The following ERAP1 variants were observed in gnomAD, a reference collection of about 807,000 sequenced individuals.
ERAP1 encodes the protein endoplasmic reticulum aminopeptidase 1, also known as adipocyte-derived leucine aminopeptidase.
A neutral mutation model predicts 103.7 loss-of-function variants in ERAP1; 86 were observed. That is an observed-to-expected ratio of 0.83 (90% CI 0.70 to 0.99). The LOEUF (loss-of-function observed/expected upper bound fraction) is 0.99, where lower values mean the gene tolerates loss of function less well. Ranked by LOEUF, ERAP1 falls within the 50% of genes least tolerant of loss-of-function variation. The pLI is 0.00. For missense variants in ERAP1, 1,009 were observed against 1,128.4 expected (o/e 0.89, Z 1.52); for synonymous variants, 398 against 402.4 (o/e 0.99, Z 0.13).
At chr5:96,923,947 T>C in the ERAP1 span, among the ~76,000 whole-genome samples, 2 of 151,056 alleles carry the variant, frequency 1.3e-5, no homozygotes, top group South Asian at 2.1e-4. Context: ...GGGGAGTGAG[T>C]TGTGGAAAGT....
chr5:96,836,085 G>A, the ERAP1 span, among the ~76,000 whole-genome samples: 5 of 150,778 alleles, frequency 3.3e-5, no homozygotes, highest in Non-Finnish European at 7.4e-5. Flanking sequence ...AGAGAGAAAT[G>A]TGAAATAATA....
chr5:96,914,619 C>A, the ERAP1 span, among the ~76,000 whole-genome samples: 1 of 152,168 alleles, frequency 6.6e-6, no homozygotes, highest in Non-Finnish European at 1.5e-5. Flanking sequence ...ATGTGCAGAG[C>A]CTAGACTTGG....
At chr5:96,916,533 G>A in the ERAP1 span, among the ~76,000 whole-genome samples, 2 of 138,780 alleles carry the variant, frequency 1.4e-5, no homozygotes, top group African/African-American at 2.7e-5. Flanking sequence ...TTGCGATCTC[G>A]GCTCACTGCA....
chr5:96,929,507 C>T, the ERAP1 span, among the ~76,000 whole-genome samples: 4 of 150,498 alleles, frequency 2.7e-5, no homozygotes, highest in Non-Finnish European at 4.4e-5. Flanking sequence ...CTTCTTGAGA[C>T]GGGGCTTCAC....
chr5:96,886,904 GAGAT>G, the ERAP1 span: 7 of 1,022,586 alleles, frequency 6.8e-6, no homozygotes, highest in Non-Finnish European at 7.8e-6. Flanking sequence ...ATTACAAGAA[GAGAT>G]AGATAAAAAA....
At chr5:96,880,179 C>T in the ERAP1 span, 2 of 1,614,000 alleles carry the variant, frequency 1.2e-6, no homozygotes, top group Non-Finnish European at 8.5e-7. Context: ...TACTATGTGG[C>T]TATGGACTTC....
chr5:96,776,807 C>T (rs886375634), intron 18 of ERAP1: 2 of 483,560 alleles, frequency 4.1e-6, no homozygotes, highest in African/African-American at 3.9e-5. Flanking sequence ...CACTGTTTAC[C>T]ATTTTATAAT....
the ERAP1 span, among the ~76,000 whole-genome samples, chr5:96,844,226 A>G: frequency 6.6e-6 from 1 of 152,160 alleles, no homozygotes. Flanking sequence ...CAACTCTTCA[A>G]CAATTGGTTC....
At chr5:96,912,122 C>T in the ERAP1 span, among the ~76,000 whole-genome samples, 4 of 144,614 alleles carry the variant, frequency 2.8e-5, no homozygotes, top group South Asian at 2.1e-4. Context: ...CCCCGGGGGG[C>T]GGAGCCTGCA....
At chr5:96,800,565 G>A (rs964677954) in intron 3 of ERAP1, among the ~76,000 whole-genome samples, 4 of 152,152 alleles carry the variant, frequency 2.6e-5, no homozygotes, top group Admixed American at 6.5e-5. Flanking sequence ...AGTGCTTTGT[G>A]AAGGGCACTA....
At chr5:96,882,084 C>T in the ERAP1 span, among the ~76,000 whole-genome samples, 2 of 152,212 alleles carry the variant, frequency 1.3e-5, no homozygotes, top group African/African-American at 4.8e-5. Context: ...CAACTCTTCC[C>T]CAGGCTCCTC....
At chr5:96,889,504 T>C in the ERAP1 span, 2 of 709,440 alleles carry the variant, frequency 2.8e-6, no homozygotes, top group Non-Finnish European at 5.0e-6. Context: ...GTGTGGATCA[T>C]TTCTCTATTC....
the ERAP1 span, chr5:96,918,690 C>A: frequency 2.0e-5 from 3 of 152,000 alleles, no homozygotes; most frequent in Non-Finnish European, 2.9e-5. Context: ...CAAATGAAGT[C>A]GAATCTGCCC....
At chr5:96,879,631 T>C in the ERAP1 span, 4 of 1,470,440 alleles carry the variant, frequency 2.7e-6, no homozygotes, top group Non-Finnish European at 3.8e-6. Flanking sequence ...TGCAGTGCCA[T>C]GAAGAACTAC....
chr5:96,850,057 A>T, the ERAP1 span, among the ~76,000 whole-genome samples: 1 of 152,210 alleles, frequency 6.6e-6, no homozygotes, highest in East Asian at 1.9e-4. Flanking sequence ...CAGAAAAATG[A>T]AATTTTAACC....
At chr5:96,891,481 A>G in the ERAP1 span, among the ~76,000 whole-genome samples, 24 of 88,848 alleles carry the variant, frequency 2.7e-4, no homozygotes, top group Middle Eastern at 7.7e-3. Flanking sequence ...GTATATATAT[A>G]TATGTGTGTG....
At chr5:96,928,240 T>C in the ERAP1 span, among the ~76,000 whole-genome samples, 6 of 152,372 alleles carry the variant, frequency 3.9e-5, no homozygotes, top group African/African-American at 1.4e-4. Flanking sequence ...TTGATACTTA[T>C]CTTCAACCTT....
chr5:96,858,437 T>G, the ERAP1 span, among the ~76,000 whole-genome samples: 1 of 152,108 alleles, frequency 6.6e-6, no homozygotes, highest in Non-Finnish European at 1.5e-5. Flanking sequence ...CCTCAAGTGA[T>G]CTGCCTGCCT....
rs914880179 is a variant in ERAP1 at position 96,776,193 on chromosome 5, A to T, written c.*203T>A. 11 of 1,514,108 alleles carry T rather than the reference A, an allele frequency of 7.3e-6. No homozygotes were observed. Among genetic ancestry groups the T allele is most frequent in the Non-Finnish European group, 8.8e-6 (10 of 1,132,650 alleles). The allele number at this position is 1,514,108 out of a possible 1,614,324, so 93.8% of individuals were successfully genotyped here. ...ACTTGGGTTTACGTTGCAGGGCAACACCTGTGATGAACAAAACACATGGTA... is the reference window on the plus strand; with the variant it reads ...ACTTGGGTTTACGTTGCAGGGCAACTCCTGTGATGAACAAAACACATGGTA... On this transcript the variant is annotated 3_prime_UTR_variant, in exon 19 of 19. Transcript: ENST00000443439.
Sources: allele counts gnomAD v4.1 joint callset (sites outside exome capture counted in the v4.1 genomes callset), GRCh38; gene constraint gnomAD v4.1.1; transcripts MANE v1.5; gene names NCBI Gene and HGNC (gene_info 2026-07-23, HGNC 2026-07-21).